MACROD2: variants seen among roughly 807,000 people sequenced by gnomAD.
MACROD2 encodes the protein ADP-ribose glycohydrolase MACROD2.
MACROD2 carries 36 observed loss-of-function variants against 70.4 expected under a neutral mutation model. The ratio of observed to expected loss-of-function variants is 0.51; its 90% CI spans 0.39 to 0.68. MACROD2 has a LOEUF of 0.68. Among genes scored for constraint, MACROD2 ranks in the 30% least tolerant of loss-of-function variants. The pLI is 0.00. For missense variants in MACROD2, 496 were observed against 538.4 expected, an observed-to-expected ratio of 0.92 and a Z score of 0.78; for synonymous variants, 172 against 178.8, an observed-to-expected ratio of 0.96 and a Z score of 0.30.
chr20:15,683,835 C>CGGA, intron 8 of MACROD2, among the ~76,000 whole-genome samples: 2 of 152,174 alleles, frequency 1.3e-5, no homozygotes, highest in Non-Finnish European at 2.9e-5. Flanking sequence ...CCGCCTCGGC[C>CGGA]TCCCAAGGTG....
chr20:14,106,200 ATT>A (rs1304084433), intron 3 of MACROD2, among the ~76,000 whole-genome samples: 1 of 152,134 alleles, frequency 6.6e-6, no homozygotes, highest in Non-Finnish European at 1.5e-5. Flanking sequence ...GCCTGGTAGC[ATT>A]CACCACAAGC....
intron 6 of MACROD2, among the ~76,000 whole-genome samples, chr20:15,379,478 G>A (rs1452498802): frequency 2.7e-5 from 4 of 150,648 alleles, no homozygotes; most frequent in Non-Finnish European, 4.4e-5. Context: ...TTTTTCCACC[G>A]AAACCTGTTC....
At chr20:15,406,480 A>T (rs2046003078) in intron 6 of MACROD2, among the ~76,000 whole-genome samples, 1 of 152,188 alleles carries the variant, frequency 6.6e-6, no homozygotes, top group African/African-American at 2.4e-5. Context: ...TGTTCTTTTT[A>T]TTAGAGTCCT....
At chr20:14,309,808 A>C (rs2082550859) in intron 3 of MACROD2, among the ~76,000 whole-genome samples, 1 of 152,176 alleles carries the variant, frequency 6.6e-6, no homozygotes, top group South Asian at 2.1e-4. Flanking sequence ...TGGCTAATGA[A>C]ATTAATAATG....
chr20:15,753,091 G>A (rs73246235), intron 8 of MACROD2, among the ~76,000 whole-genome samples: 2,036 of 104,030 alleles, frequency 0.02, 44 homozygotes, highest in African/African-American at 0.069. Flanking sequence ...TTTCTGGGAC[G>A]ACAGCATATA....
At chr20:14,964,771 T>C (rs909460898) in intron 5 of MACROD2, among the ~76,000 whole-genome samples, 1 of 152,174 alleles carries the variant, frequency 6.6e-6, no homozygotes, top group African/African-American at 2.4e-5. Flanking sequence ...TGTGCTATAC[T>C]TTAGTGTTAT....
intron 6 of MACROD2, among the ~76,000 whole-genome samples, chr20:15,334,589 T>G (rs2038267): frequency 7.3e-6 from 1 of 136,978 alleles, no homozygotes; most frequent in Non-Finnish European, 1.6e-5. Flanking sequence ...ATGATTTTTT[T>G]TAAAAAAAAA....
Position 15,763,635 on chromosome 20 carries a change from A to T in MACROD2, c.646-99110A>T, listed in dbSNP as rs1360920005. 4.6e-5 allele frequency among the ~76,000 whole-genome samples: 7 copies of T among 152,172 alleles called. 1 individual carries two copies. ...ACTAAGTATAATAGAAGAAGTGGAG[A>T]ACTGGCCTAATATGGACAGAAATCA... On this transcript the variant is annotated intron_variant, in intron 8 of 17. Coordinates refer to ENST00000684519, the MANE Select transcript of MACROD2 (RefSeq NM_001351661.2).
intron 3 of MACROD2, among the ~76,000 whole-genome samples, chr20:14,176,302 A>G (rs2081262648): frequency 6.6e-6 from 1 of 152,238 alleles, no homozygotes; most frequent in Non-Finnish European, 1.5e-5. Flanking sequence ...AACACATGTA[A>G]CAGATGGCAT....
intron 5 of MACROD2, among the ~76,000 whole-genome samples, chr20:15,086,022 A>G (rs2123149022): frequency 6.6e-6 from 1 of 151,844 alleles, no homozygotes; most frequent in East Asian, 1.9e-4. Context: ...CCACCCACCA[A>G]CCAGATCTAC....
At chr20:15,496,097 A>T (rs2047294296) in intron 7 of MACROD2, among the ~76,000 whole-genome samples, 1 of 152,198 alleles carries the variant, frequency 6.6e-6, no homozygotes, top group Non-Finnish European at 1.5e-5. Flanking sequence ...CAGCTTATTC[A>T]GGGGAGAAAT....
At chr20:14,124,952 A>G (rs1184105069) in intron 3 of MACROD2, among the ~76,000 whole-genome samples, 1 of 152,228 alleles carries the variant, frequency 6.6e-6, no homozygotes, top group Non-Finnish European at 1.5e-5. Flanking sequence ...TATCCATACA[A>G]TGAAATATTA....
At chr20:16,011,085 GTGTTGGTGATGCAGGGA>G (rs1453148991) in intron 15 of MACROD2, among the ~76,000 whole-genome samples, 4 of 152,244 alleles carry the variant, frequency 2.6e-5, no homozygotes, top group Admixed American at 6.5e-5. Context: ...TGCTGAGACT[GTGTTGGTGATGCAGGGA>G]TGTTGGGTGT....
chr20:14,263,420 G>A (rs573734922), intron 3 of MACROD2, among the ~76,000 whole-genome samples: 92 of 152,256 alleles, frequency 6.0e-4, no homozygotes, highest in African/African-American at 2.0e-3. Flanking sequence ...ACCCTTTGAA[G>A]GAAACAAGCT....
At chr20:15,787,982 C>A (rs962936469) in intron 8 of MACROD2, among the ~76,000 whole-genome samples, 1 of 152,108 alleles carries the variant, frequency 6.6e-6, no homozygotes, top group Non-Finnish European at 1.5e-5. Context: ...GAAATATACT[C>A]TTTTTAATGT....
At chr20:14,362,705 G>T (rs2083233601) in intron 3 of MACROD2, among the ~76,000 whole-genome samples, 1 of 152,082 alleles carries the variant, frequency 6.6e-6, no homozygotes. Context: ...TTGGGAGGAA[G>T]AGAATTAACG....
At chr20:14,105,986 C>G (rs1428010289) in intron 3 of MACROD2, among the ~76,000 whole-genome samples, 4 of 152,182 alleles carry the variant, frequency 2.6e-5, no homozygotes, top group Non-Finnish European at 5.9e-5. Flanking sequence ...GATAGCATAC[C>G]ATGGACCTTG....
rs188976884 is a variant in MACROD2 at position 15,634,501 on chromosome 20, G to T, written c.645+134654G>T. On this transcript the variant is annotated intron_variant, in intron 8 of 17. Coordinates refer to ENST00000684519, the MANE Select transcript of MACROD2 (RefSeq NM_001351661.2). ...TAGGATGTTAAACAGAAAAGGTCACGCATCTGATCCCATGTGGCCTAATTA... is the reference window on the plus strand; with the variant it reads ...TAGGATGTTAAACAGAAAAGGTCACTCATCTGATCCCATGTGGCCTAATTA... Among the ~76,000 whole-genome samples, 83 of 152,310 alleles carry T rather than the reference G, an allele frequency of 5.4e-4. No individual in the cohort carries two copies. In the South Asian group the frequency reaches 7.3e-3, roughly 13 times the overall value.
At chr20:14,493,433 T>A in intron 3 of MACROD2, 46 bp from the exon 4 acceptor site, 2 of 1,517,420 alleles carry the variant, frequency 1.3e-6, no homozygotes, top group African/African-American at 1.4e-5. Flanking sequence ...ACTATATTTC[T>A]TATACATATT....
Sources: gnomAD v4.1 joint callset for allele counts (sites outside exome capture counted in the v4.1 genomes callset) on GRCh38, gnomAD v4.1.1 for gene constraint, MANE v1.5 for transcripts, NCBI Gene and HGNC (gene_info 2026-07-23, HGNC 2026-07-21) for gene names.